HPSE2: variants seen among roughly 807,000 people sequenced by gnomAD.
HPSE2 encodes inactive heparanase-2.
HPSE2 carries 38 observed loss-of-function variants against 60.5 expected under a neutral mutation model. The ratio of observed to expected loss-of-function variants is 0.63; its 90% CI spans 0.48 to 0.82. The LOEUF is 0.82. Among genes scored for constraint, HPSE2 ranks in the 40% least tolerant of loss-of-function variants. The pLI is 0.00. For synonymous variants in HPSE2, 295 were observed against 293.2 expected, an observed-to-expected ratio of 1.01 and a Z score of -0.06; for missense variants, 713 against 740.4, an observed-to-expected ratio of 0.96 and a Z score of 0.43.
intron 3 of HPSE2, among the ~76,000 whole-genome samples, chr10:99,044,867 C>T (rs1589567532): frequency 6.6e-6 from 1 of 152,154 alleles, no homozygotes; most frequent in African/African-American, 2.4e-5. Context: ...ATTCATAAAA[C>T]AAGTTCTTCT....
chr10:98,543,102 G>A (rs7089091), intron 9 of HPSE2, among the ~76,000 whole-genome samples: 10,069 of 152,168 alleles, frequency 0.066, 1,094 homozygotes, highest in African/African-American at 0.23. Flanking sequence ...CCCTCAAAGG[G>A]AAGCCCATCA....
chr10:98,523,562 T>C (rs909423368), intron 9 of HPSE2, among the ~76,000 whole-genome samples: 3 of 152,232 alleles, frequency 2.0e-5, no homozygotes, highest in Non-Finnish European at 2.9e-5. Flanking sequence ...TTTCATTATG[T>C]AATTTGATAA....
chr10:98,999,199 G>GCA, intron 3 of HPSE2, among the ~76,000 whole-genome samples: 1 of 151,238 alleles, frequency 6.6e-6, no homozygotes, highest in Non-Finnish European at 1.5e-5. Flanking sequence ...GTGTGTGCAT[G>GCA]TGTGTGTAAA....
At chr10:99,275,267 GTTTAT>G in the HPSE2 span, among the ~76,000 whole-genome samples, 3 of 152,158 alleles carry the variant, frequency 2.0e-5, no homozygotes, top group African/African-American at 7.2e-5. Flanking sequence ...AATCTTTAAA[GTTTAT>G]TTTACCGTTT....
At chr10:98,539,011 G>A (rs1384710233) in intron 9 of HPSE2, among the ~76,000 whole-genome samples, 1 of 152,194 alleles carries the variant, frequency 6.6e-6, no homozygotes, top group Non-Finnish European at 1.5e-5. Flanking sequence ...TTCTCTCCTA[G>A]CAGCGCCAAA....
At chr10:99,154,831 C>A (rs1846462505) in intron 2 of HPSE2, among the ~76,000 whole-genome samples, 1 of 151,994 alleles carries the variant, frequency 6.6e-6, no homozygotes, top group Non-Finnish European at 1.5e-5. Context: ...AGTCAAGACC[C>A]ATCAGTGTGC....
At chr10:98,872,239 C>T (rs934626115) in intron 3 of HPSE2, among the ~76,000 whole-genome samples, 5 of 152,010 alleles carry the variant, frequency 3.3e-5, no homozygotes, top group Admixed American at 1.3e-4. Flanking sequence ...CTAAAAGGAA[C>T]GGAACACAAG....
chr10:98,985,418 A>ATACT (rs1956316371), intron 3 of HPSE2, among the ~76,000 whole-genome samples: 1 of 152,204 alleles, frequency 6.6e-6, no homozygotes, highest in Non-Finnish European at 1.5e-5. Context: ...GAGAAATAAA[A>ATACT]TACTTTACAG....
chr10:98,691,122 G>A (rs1948067335), intron 6 of HPSE2, among the ~76,000 whole-genome samples: 1 of 152,132 alleles, frequency 6.6e-6, no homozygotes, highest in Non-Finnish European at 1.5e-5. Context: ...AAGAAACGTG[G>A]CATTTGGCTT....
intron 7 of HPSE2, among the ~76,000 whole-genome samples, chr10:98,636,111 A>T (rs1946492744): frequency 6.6e-6 from 1 of 152,262 alleles, no homozygotes; most frequent in African/African-American, 2.4e-5. Context: ...AGTGTATGAT[A>T]GCACTGTAGG....
chr10:99,298,400 T>C, the HPSE2 span, among the ~76,000 whole-genome samples: 2 of 152,266 alleles, frequency 1.3e-5, no homozygotes, highest in African/African-American at 2.4e-5. Context: ...AAACCCCTTG[T>C]AGTGACCCTT....
the HPSE2 span, among the ~76,000 whole-genome samples, chr10:99,290,462 C>A: frequency 6.6e-6 from 1 of 152,214 alleles, no homozygotes; most frequent in Non-Finnish European, 1.5e-5. Flanking sequence ...CTGAGCCCAA[C>A]TGACAACAGA....
chr10:98,771,283 C>G (rs1226709888), intron 3 of HPSE2, among the ~76,000 whole-genome samples: 1 of 152,142 alleles, frequency 6.6e-6, no homozygotes, highest in Non-Finnish European at 1.5e-5. Context: ...GTCTGTTATG[C>G]TATCAGGGCT....
chr10:98,907,533 T>C (rs1284143170), intron 3 of HPSE2, among the ~76,000 whole-genome samples: 1 of 152,156 alleles, frequency 6.6e-6, no homozygotes, highest in African/African-American at 2.4e-5. Context: ...CAATAGTCAC[T>C]GTAATTCTTC....
chr10:99,284,872 T>C, the HPSE2 span, among the ~76,000 whole-genome samples: 35 of 152,122 alleles, frequency 2.3e-4, no homozygotes, highest in African/African-American at 8.0e-4. Flanking sequence ...ATATATACCA[T>C]GGAAAATTAA....
In HPSE2 at chr10:99,009,017, G is replaced by C. The variant is rs77627616; in HGVS notation, c.610+135221C>G. 8.5e-3 allele frequency among the ~76,000 whole-genome samples: 1,299 copies of C among 152,154 alleles called. 13 individuals carry two copies. The highest frequency in any genetic ancestry group is 0.03 in the African/African-American group (1,244 of 41,492). On this transcript the variant is annotated intron_variant, in intron 3 of 11. Transcript: ENST00000370552. Reference sequence around the variant, plus strand: ...GTGTCAAGTTTGAACCAAAAACTTTGCAACAGTTGAGGGGAATTATGAAAA... The same window carrying C: ...GTGTCAAGTTTGAACCAAAAACTTTCCAACAGTTGAGGGGAATTATGAAAA...
intron 2 of HPSE2, among the ~76,000 whole-genome samples, chr10:99,195,401 T>A (rs1848360801): frequency 6.6e-6 from 1 of 150,924 alleles, no homozygotes; most frequent in Admixed American, 6.6e-5. Flanking sequence ...GCCTCAAAAT[T>A]TGGAAAAAAA....
chr10:99,245,857 TAGTG>T, the HPSE2 span, among the ~76,000 whole-genome samples: 1 of 152,170 alleles, frequency 6.6e-6, no homozygotes, highest in South Asian at 2.1e-4. Context: ...CTGAGTTTAA[TAGTG>T]AGGAATTGGA....
In HPSE2 at chr10:99,106,932, G is replaced by A. The variant is rs1210912285; in HGVS notation, c.610+37306C>T. 2.6e-5 allele frequency among the ~76,000 whole-genome samples: 4 copies of A among 152,104 alleles called. No individual in the cohort carries two copies. The East Asian group carries it at 5.8e-4, about 22-fold the overall frequency. ...ATCACCCAGGCTGGAGTGCAGTGGT[G>A]TGATTTCAGCTCGCTGCAACCTCTG... On this transcript the variant is annotated intron_variant, in intron 3 of 11. Transcript: ENST00000370552.
Sources: allele counts gnomAD v4.1 joint callset (sites outside exome capture counted in the v4.1 genomes callset), GRCh38; gene constraint gnomAD v4.1.1; transcripts MANE v1.5; gene names NCBI Gene and HGNC (gene_info 2026-07-23, HGNC 2026-07-21).